The following ELMO1 variants were observed in gnomAD, a reference collection of about 807,000 sequenced individuals.
ELMO1 encodes engulfment and cell motility 1.
ELMO1 carries 26 observed loss-of-function variants against 98.9 expected under a neutral mutation model. That is an observed-to-expected ratio of 0.26 (90% CI 0.19 to 0.36). The LOEUF (loss-of-function observed/expected upper bound fraction) is 0.36. Among genes scored for constraint, ELMO1 ranks in the 10% least tolerant of loss-of-function variants. The probability of loss-of-function intolerance (pLI) is 1.00; values close to 1 mark genes in which losing one functional copy is unlikely to be tolerated. For missense variants in ELMO1, 627 were observed against 935.2 expected (o/e 0.67, Z 4.30); for synonymous variants, 346 against 346.0 (o/e 1.00, Z 0.00).
chr7:37,340,664 G>A (rs1256151921), intron 2 of ELMO1, among the ~76,000 whole-genome samples: 2 of 151,654 alleles, frequency 1.3e-5, no homozygotes, highest in Non-Finnish European at 2.9e-5. Flanking sequence ...CTGGAAATAG[G>A]GTATAAATGT....
chr7:37,295,371 T>G (rs1362867394), intron 4 of ELMO1, among the ~76,000 whole-genome samples: 2 of 152,258 alleles, frequency 1.3e-5, no homozygotes, highest in Non-Finnish European at 2.9e-5. Context: ...TGTAGTTTTT[T>G]GATATGTTTG....
At chr7:37,383,122 G>A (rs990492626) in intron 1 of ELMO1, among the ~76,000 whole-genome samples, 3 of 152,068 alleles carry the variant, frequency 2.0e-5, no homozygotes, top group Non-Finnish European at 4.4e-5. Flanking sequence ...TAATCTACAG[G>A]CCCTCTTTAA....
intron 16 of ELMO1, among the ~76,000 whole-genome samples, chr7:36,970,231 G>T (rs961204893): frequency 6.8e-6 from 1 of 146,456 alleles, no homozygotes; most frequent in African/African-American, 2.7e-5. Context: ...GCACACCAAG[G>T]ATCATATGCT....
At chr7:37,187,376 G>A (rs1321616434) in intron 13 of ELMO1, among the ~76,000 whole-genome samples, 1 of 152,128 alleles carries the variant, frequency 6.6e-6, no homozygotes, top group Non-Finnish European at 1.5e-5. Flanking sequence ...TGACTTTGGT[G>A]ATGGCTTTAC....
At chr7:37,121,237 C>T (rs948921104) in intron 14 of ELMO1, among the ~76,000 whole-genome samples, 11 of 152,264 alleles carry the variant, frequency 7.2e-5, no homozygotes, top group East Asian at 3.9e-4. Flanking sequence ...TCCAAAGGAA[C>T]GCAGCTCCTC....
chr7:37,032,800 A>G (rs1245174622), intron 15 of ELMO1, among the ~76,000 whole-genome samples: 1 of 152,202 alleles, frequency 6.6e-6, no homozygotes, highest in Non-Finnish European at 1.5e-5. Context: ...AACATTTCTG[A>G]GTACTTATCC....
intron 15 of ELMO1, among the ~76,000 whole-genome samples, chr7:37,044,045 A>G (rs1292392184): frequency 6.6e-6 from 1 of 152,204 alleles, no homozygotes; most frequent in Admixed American, 6.5e-5. Flanking sequence ...GTTTATTTAT[A>G]AGGGAAAAGC....
At chr7:37,093,697 C>A (rs760504387) in intron 15 of ELMO1, among the ~76,000 whole-genome samples, 1 of 152,168 alleles carries the variant, frequency 6.6e-6, no homozygotes. Context: ...TTTGCTCTTA[C>A]CACAGGGTGT....
At chr7:37,435,224 A>G (rs1805095738) in intron 1 of ELMO1, 1 of 152,282 alleles carries the variant, frequency 6.6e-6, no homozygotes, top group Admixed American at 6.5e-5. Context: ...TGAAAAAGAA[A>G]AAGAAGAAAA....
chr7:37,318,880 T>C (rs1436057843), intron 2 of ELMO1, among the ~76,000 whole-genome samples: 1 of 152,180 alleles, frequency 6.6e-6, no homozygotes, highest in East Asian at 1.9e-4. Context: ...TACTACTTCC[T>C]TCTTTTTGAA....
At chr7:37,112,655 G>T (rs1159407349) in intron 14 of ELMO1, among the ~76,000 whole-genome samples, 1 of 152,156 alleles carries the variant, frequency 6.6e-6, no homozygotes, top group Non-Finnish European at 1.5e-5. Flanking sequence ...TATTAAAATT[G>T]TTTCAGTTGC....
chr7:37,141,719 T>A (rs915767793), intron 13 of ELMO1, among the ~76,000 whole-genome samples: 2 of 152,220 alleles, frequency 1.3e-5, no homozygotes, highest in African/African-American at 4.8e-5. Context: ...ATAAACAGCA[T>A]GAATCTCTGT....
At position 37,213,326 on chromosome 7, in the gene ELMO1, A is replaced by G; in HGVS notation, c.954+9T>C. 1 of 1,611,956 alleles carries G rather than the reference A, an allele frequency of 6.2e-7. No individual in the cohort carries two copies. Among genetic ancestry groups the G allele is most frequent in the South Asian group, 1.1e-5 (1 of 90,876 alleles). On this transcript the variant is annotated intron_variant, in intron 12 of 21. Coordinates refer to ENST00000310758, the MANE Select transcript of ELMO1 (RefSeq NM_014800.11). ...CCTGTGCTTTGACTGCTGTCCAATGAGCACTCACCTGGTCCTGGGGGTCCA... is the reference window on the plus strand; with the variant it reads ...CCTGTGCTTTGACTGCTGTCCAATGGGCACTCACCTGGTCCTGGGGGTCCA...
intron 15 of ELMO1, among the ~76,000 whole-genome samples, chr7:37,034,518 A>G (rs193139195): frequency 4.6e-5 from 7 of 152,226 alleles, no homozygotes; most frequent in African/African-American, 1.4e-4. Flanking sequence ...GTAACTTTTG[A>G]CTCCCCCAAA....
chr7:37,305,273 A>T (rs1264744180), intron 4 of ELMO1, among the ~76,000 whole-genome samples: 1 of 152,204 alleles, frequency 6.6e-6, no homozygotes, highest in Non-Finnish European at 1.5e-5. Flanking sequence ...TTCTTAGAGG[A>T]CGTTATTTGC....
In ELMO1 at chr7:37,277,261, T is replaced by C. The variant is rs1796891298; in HGVS notation, c.193-5379A>G. 2.6e-5 allele frequency among the ~76,000 whole-genome samples: 4 copies of C among 152,202 alleles called. No homozygotes were observed. The South Asian group carries it at 8.3e-4, about 31-fold the overall frequency. ...GCAGAGACCTGGGGGTGACCAGCAC[T>C]GCATCAGCACATAGGTGTGATGCAG... On this transcript the variant is annotated intron_variant, in intron 4 of 21. Coordinates refer to ENST00000310758, the MANE Select transcript of ELMO1 (RefSeq NM_014800.11).
In ELMO1 at chr7:36,994,698, C is replaced by T. The variant is rs375110684; in HGVS notation, c.1437+18601G>A. 3.9e-5 allele frequency among the ~76,000 whole-genome samples: 6 copies of T among 152,350 alleles called. No individual in the cohort carries two copies. The South Asian group carries it at 1.2e-3, about 32-fold the overall frequency. ...AAGCACTCCTGAACACTACCCCTTT[C>T]AGAAATCCATTTTACAAGCATTCTA... On this transcript the variant is annotated intron_variant, in intron 16 of 21. Transcript: ENST00000310758.
At chr7:36,926,031 C>A (rs192270069) in intron 16 of ELMO1, among the ~76,000 whole-genome samples, 368 of 152,274 alleles carry the variant, frequency 2.4e-3, no homozygotes, top group African/African-American at 8.4e-3. Flanking sequence ...TTCCCATTTC[C>A]CTCCAAGTCC....
intron 13 of ELMO1, among the ~76,000 whole-genome samples, chr7:37,206,809 T>C (rs890212817): frequency 2.0e-5 from 3 of 152,042 alleles, no homozygotes; most frequent in Admixed American, 1.3e-4. Flanking sequence ...CACATTATAT[T>C]GTTGAGAAAC....
Sources: allele counts gnomAD v4.1 joint callset (sites outside exome capture counted in the v4.1 genomes callset), GRCh38; gene constraint gnomAD v4.1.1; transcripts MANE v1.5; gene names NCBI Gene and HGNC (gene_info 2026-07-23, HGNC 2026-07-21).